Variants in HLA-DQA2 observed in about 807,000 individuals in gnomAD.
The protein encoded by HLA-DQA2 is HLA class II histocompatibility antigen, DQ alpha 2 chain.
A neutral mutation model predicts 21.0 loss-of-function variants in HLA-DQA2; 17 were observed. The ratio of observed to expected loss-of-function variants is 0.81; its 90% CI spans 0.56 to 1.22. HLA-DQA2 has a LOEUF of 1.22. Ranked by LOEUF, HLA-DQA2 falls within the 50% of genes most tolerant of loss-of-function variation. The pLI, the probability that HLA-DQA2 is intolerant of heterozygous loss-of-function variation, is 0.00. For missense variants in HLA-DQA2, 239 were observed against 308.8 expected (o/e 0.77, Z 1.69); for synonymous variants, 81 against 116.5 (o/e 0.70, Z 1.96).
At chr6:32,744,243 CAT>C (rs1487344119) in intron 1 of HLA-DQA2, among the ~76,000 whole-genome samples, 1 of 150,070 alleles carries the variant, frequency 6.7e-6, no homozygotes, top group Non-Finnish European at 1.5e-5. Flanking sequence ...AGGGCTCACA[CAT>C]GTCTTAACAA....
Position 32,745,163 on chromosome 6 carries a change from C to A in HLA-DQA2, c.87C>A (p.Asp29Glu), listed in dbSNP as rs369556704. 30 of 1,613,510 alleles carry A rather than the reference C, an allele frequency of 1.9e-5. No individual in the cohort carries two copies. In the African/African-American group the frequency reaches 3.3e-4, roughly 18 times the overall value. ...CTTGTCACCTTCACTCGTCAGCTGA[C>A]CATGTTGCCTCCTATGGTGTGAACT... Reference protein sequence around the residue: ...SPCGGEDIVADHVASYGVNFY... With the variant: ...SPCGGEDIVAEHVASYGVNFY... The change falls in exon 2 of 5, where the codon GAC (aspartate) becomes GAA (glutamate). Residue 29 changes from aspartate (D) to glutamate (E), a missense_variant. Asp to Glu is a conservative substitution (Grantham distance 45, BLOSUM62 2). Coordinates refer to ENST00000374940, the MANE Select transcript of HLA-DQA2 (RefSeq NM_020056.5).
rs1255204061 is a variant in HLA-DQA2 at position 32,746,600 on chromosome 6, GAGA to G, written c.*47_*49del. 2 of 635,264 alleles carry G rather than the reference GAGA, an allele frequency of 3.1e-6. No individual in the cohort carries two copies. The highest frequency in any genetic ancestry group is 2.1e-5 in the African/African-American group (1 of 47,962). The allele number at this position is 635,264 out of a possible 1,614,324, so 39.4% of individuals were successfully genotyped here. A position where few individuals can be genotyped will look rare whatever the true frequency, so the allele number is the denominator to read the frequency against. ...GTTGCAGGTGCATCACCATCTACAG[GAGA>G]AGAAGAATGGACTTGCTAAATGACC... On this transcript the variant is annotated 3_prime_UTR_variant, in exon 5 of 5. Transcript: ENST00000374940.
At chr6:32,746,141 C>T in intron 3 of HLA-DQA2, 69 bp downstream of exon 3, 1 of 1,462,620 alleles carries the variant, frequency 6.8e-7, no homozygotes, top group Non-Finnish European at 9.1e-7. Context: ...AAGCCTGGGG[C>T]CTTGAGTCTT....
chr6:32,741,632 T>C, intron 1 of HLA-DQA2, 107 bp downstream of exon 1: 6 of 1,099,812 alleles, frequency 5.5e-6, no homozygotes, highest in Non-Finnish European at 6.8e-6. Context: ...CAAGGGTCTT[T>C]TCAATATTAA....
At chr6:32,745,530 A>T (rs1190012940) in intron 2 of HLA-DQA2, 123 bp downstream of exon 2, 2 of 1,077,356 alleles carry the variant, frequency 1.9e-6, no homozygotes, top group Non-Finnish European at 1.4e-6. Flanking sequence ...ATCATCTCCC[A>T]TCTCTAAAAT....
In HLA-DQA2 at chr6:32,746,712, T is replaced by C. The variant is rs1763625185; in HGVS notation, c.*151T>C. On this transcript the variant is annotated 3_prime_UTR_variant, in exon 5 of 5. Coordinates refer to ENST00000374940, the MANE Select transcript of HLA-DQA2 (RefSeq NM_020056.5). ...CTCACCTCTTCTCTGGGACTTAAGG[T>C]GCTATATTCCCTCAGAGCTCACAAA... 1.7e-6 allele frequency: 1 copy of C among 599,080 alleles called. No individual in the cohort carries two copies. The highest frequency in any genetic ancestry group is 3.1e-6 in the Non-Finnish European group (1 of 320,640). 37.1% of individuals were successfully genotyped at this position (599,080 alleles called of 1,614,324 possible). A position where few individuals can be genotyped will look rare whatever the true frequency, so the allele number is the denominator to read the frequency against.
intron 1 of HLA-DQA2, among the ~76,000 whole-genome samples, chr6:32,742,730 G>A (rs1763294039): frequency 1.3e-5 from 2 of 151,910 alleles, no homozygotes; most frequent in Admixed American, 6.6e-5. Flanking sequence ...AGAGTGCCCC[G>A]GTCAGGCTCG....
Position 32,745,881 on chromosome 6 carries a change from C to T in HLA-DQA2, c.422C>T (p.Pro141Leu), listed in dbSNP as rs1251276867. 6.8e-6 allele frequency: 11 copies of T among 1,613,016 alleles called. No homozygotes were observed. The highest frequency in any genetic ancestry group is 9.3e-6 in the Non-Finnish European group (11 of 1,180,034). Residue 141 changes from proline (P) to leucine (L), a missense_variant, in exon 3 of 5, where the codon CCT (proline) becomes CTT (leucine). Physicochemically the swap from Pro to Leu is moderately conservative, Grantham distance 98 (BLOSUM62 -3). Coordinates refer to ENST00000374940, the MANE Select transcript of HLA-DQA2 (RefSeq NM_020056.5). ...TGTCTTGTGGACAACATCTTTCCTCCTGTGGTCAACATCACCTGGCTGAGC... is the reference window on the plus strand; with the variant it reads ...TGTCTTGTGGACAACATCTTTCCTCTTGTGGTCAACATCACCTGGCTGAGC... ...LICLVDNIFP[P>L]VVNITWLSNG...
In HLA-DQA2 at chr6:32,746,238, A is replaced by G. The variant is rs1414330880; in HGVS notation, c.614-2A>G. 1.2e-6 allele frequency: 2 copies of G among 1,613,076 alleles called. No individual in the cohort carries two copies. Among genetic ancestry groups the G allele is most frequent in the South Asian group, 2.2e-5 (2 of 91,076 alleles). ...CTGACCTCAACAGCTCCACTTTCAC[A>G]GAGCCTGAGATTCCAGCCCCTATGT... is the stretch of plus-strand genomic sequence containing the variant. On this transcript the variant is annotated splice_acceptor_variant, in intron 3 of 4. Transcript: ENST00000374940. LOFTEE classifies it high-confidence loss of function.
In HLA-DQA2 at chr6:32,746,332, A is replaced by G. The variant is rs1562193023; in HGVS notation, c.706A>G (p.Thr236Ala). ...GGGCCTCATGGGCATTGTGGTGGGCACTGTCTTCATCATCCAAGGCCTGCG... is the reference window on the plus strand; with the variant it reads ...GGGCCTCATGGGCATTGTGGTGGGCGCTGTCTTCATCATCCAAGGCCTGCG... ...SVGLMGIVVG[T>A]VFIIQGLRSV... Residue 236 changes from threonine (T) to alanine (A), a missense_variant, in exon 4 of 5, where the codon ACT becomes GCT. Physicochemically the swap from Thr to Ala is moderately conservative, Grantham distance 58. Coordinates refer to ENST00000374940, the MANE Select transcript of HLA-DQA2 (RefSeq NM_020056.5). The G allele has an allele frequency of 3.1e-6, 5 of 1,613,098 alleles. No individual in the cohort carries two copies. Among genetic ancestry groups the G allele is most frequent in the Non-Finnish European group, 3.4e-6 (4 of 1,180,040 alleles).
In HLA-DQA2 at chr6:32,745,319, C is replaced by T. The variant is rs1314297416; in HGVS notation, c.243C>T (p.Asp81=). 2.5e-6 allele frequency: 4 copies of T among 1,584,472 alleles called. No homozygotes were observed. The highest frequency in any genetic ancestry group is 3.4e-6 in the Non-Finnish European group (4 of 1,164,568). ...LPMFSKFISF[D]PQSALRNMAV... is the part of the protein sequence containing the mutation. ...TGTTTAGCAAATTTATAAGTTTTGA[C>T]CCGCAGAGTGCACTGAGAAATATGG... is the stretch of plus-strand genomic sequence containing the variant. The change falls in exon 2 of 5, where the codon GAC becomes GAT. Residue 81 remains aspartate, a synonymous_variant. Transcript: ENST00000374940.
In HLA-DQA2 at chr6:32,746,659, TC is replaced by T; in HGVS notation, c.*101del. 2 of 592,218 alleles carry T rather than the reference TC, an allele frequency of 3.4e-6. No homozygotes were observed. The highest frequency in any genetic ancestry group is 6.2e-6 in the Non-Finnish European group (2 of 322,712). 36.7% of individuals were successfully genotyped at this position (592,218 alleles called of 1,614,324 possible). On this transcript the variant is annotated 3_prime_UTR_variant, in exon 5 of 5. Transcript: ENST00000374940. ...CTATTCTCTGGCCTGATTTATCATA[TC>T]CCTTTTCTCCTCCAAATGTTTCTTC...
At chr6:32,746,184 C>A in intron 3 of HLA-DQA2, 56 bp from the exon 4 acceptor site, 1 of 1,579,876 alleles carries the variant, frequency 6.3e-7, no homozygotes, top group Non-Finnish European at 8.6e-7. Flanking sequence ...TCCCATCCCA[C>A]ACACATGCAC....
chr6:32,745,259 C>T lies in HLA-DQA2; in HGVS notation c.183C>T (p.Asp61=). 1 of 1,613,992 alleles carries T rather than the reference C, an allele frequency of 6.2e-7. No individual in the cohort carries two copies. Among genetic ancestry groups the T allele is most frequent in the Non-Finnish European group, 8.5e-7 (1 of 1,179,990 alleles). ...EFDGDEEFYV[D]LETKETVWQL... is the part of the protein sequence containing the mutation. ...ATGGAGACGAGGAGTTCTATGTGGACCTGGAGACGAAAGAGACTGTCTGGC... is the reference window on the plus strand; with the variant it reads ...ATGGAGACGAGGAGTTCTATGTGGATCTGGAGACGAAAGAGACTGTCTGGC... The change falls in exon 2 of 5, where the codon GAC becomes GAT. Residue 61 remains aspartate, a synonymous_variant. Coordinates refer to ENST00000374940, the MANE Select transcript of HLA-DQA2 (RefSeq NM_020056.5).
At chr6:32,741,738 G>A (rs1240342145) in intron 1 of HLA-DQA2, among the ~76,000 whole-genome samples, 2 of 151,240 alleles carry the variant, frequency 1.3e-5, no homozygotes, top group Non-Finnish European at 2.9e-5. Flanking sequence ...CAAGGACGTT[G>A]TTCTGTTTAT....
intron 1 of HLA-DQA2, 29 bp from the exon 2 acceptor site, chr6:32,745,130 C>T (rs924192179): frequency 5.0e-6 from 8 of 1,606,500 alleles, no homozygotes; most frequent in African/African-American, 4.0e-5. Context: ...CTGTGTTCCA[C>T]CCTCCTGCTT....
At chr6:32,742,253 T>G (rs919236935) in intron 1 of HLA-DQA2, among the ~76,000 whole-genome samples, 23 of 152,240 alleles carry the variant, frequency 1.5e-4, no homozygotes, top group African/African-American at 5.3e-4. Context: ...TTTAGCAAAG[T>G]AAGGAATATA....
chr6:32,741,633 T>G, intron 1 of HLA-DQA2, 108 bp downstream of exon 1: 1 of 1,080,470 alleles, frequency 9.3e-7, no homozygotes, highest in Non-Finnish European at 1.4e-6. Context: ...AAGGGTCTTT[T>G]CAATATTAAG....
intron 4 of HLA-DQA2, 73 bp from the exon 5 acceptor site, chr6:32,746,509 G>A (rs531697297): frequency 1.8e-5 from 26 of 1,421,210 alleles, no homozygotes; most frequent in East Asian, 1.4e-4. Context: ...AGTTGTAGGC[G>A]AATTGGGAAG....
Sources: allele counts gnomAD v4.1 joint callset (sites outside exome capture counted in the v4.1 genomes callset), GRCh38; gene constraint gnomAD v4.1.1; transcripts MANE v1.5; gene names NCBI Gene and HGNC (gene_info 2026-07-23, HGNC 2026-07-21).